TTN: variants seen among roughly 807,000 people sequenced by gnomAD.
The protein encoded by TTN is connectin.
In TTN, 1,525 loss-of-function variants were observed where a neutral mutation model predicts 3,223.0. The ratio of observed to expected loss-of-function variants is 0.47; its 90% CI spans 0.45 to 0.49. TTN has a LOEUF of 0.49. Ranked by LOEUF, TTN falls within the 20% of genes least tolerant of loss-of-function variation. The pLI is 0.00. For missense variants in TTN, 40,786 were observed against 43,424.0 expected, an observed-to-expected ratio of 0.94 and a Z score of 5.40; for synonymous variants, 14,094 against 15,161.0, an observed-to-expected ratio of 0.93 and a Z score of 5.17.
chr2:178,609,704 G>A lies in TTN; in HGVS notation c.51719C>T (p.Thr17240Ile), dbSNP rs1295961462. 3.7e-6 allele frequency: 6 copies of A among 1,600,864 alleles called. No homozygotes were observed. The South Asian group carries it at 5.6e-5, about 15-fold the overall frequency. The part of the protein sequence containing the change: ...ISEPSRATPP[T>I]KAVDPIDAPK... ...CTTACCAATGGGATCTACAGCTTTG[G>A]TTGGAGGAGTAGCCCGAGAAGGTTC... The change falls in exon 272 of 363, where the codon ACC becomes ATC. Residue 17240 changes from threonine to isoleucine, a missense_variant. Transcript: ENST00000589042.
At chr2:178,628,302 AATTAT>A (rs1305351160) in intron 240 of TTN, among the ~76,000 whole-genome samples, 1 of 152,002 alleles carries the variant, frequency 6.6e-6, no homozygotes, top group Non-Finnish European at 1.5e-5. Flanking sequence ...ATCACTTTTT[AATTAT>A]ATTCCTTTAA....
In TTN at chr2:178,538,733, T is replaced by G; in HGVS notation, c.99096A>C (p.Gly33032=). The change falls in exon 354 of 363, where the codon GGA becomes GGC. Residue 33032 remains glycine, a synonymous_variant. Transcript: ENST00000589042. ...CAGACTGTCTATATTCAACCCAGTATCCAAGAATTTCTTTACCACCATCAC... is the reference window on the plus strand; with the variant it reads ...CAGACTGTCTATATTCAACCCAGTAGCCAAGAATTTCTTTACCACCATCAC... ...PECDGGKEIL[G]YWVEYRQSGD... is the part of the protein sequence containing the mutation. 1 of 1,613,790 alleles carries G rather than the reference T, an allele frequency of 6.2e-7. No homozygotes were observed. Among genetic ancestry groups the G allele is most frequent in the South Asian group, 1.1e-5 (1 of 91,070 alleles).
At position 178,695,374 on chromosome 2, in the gene TTN, T is replaced by C. The variant is rs1332220526; in HGVS notation, c.31244A>G (p.Glu10415Gly). ...TTTAGGAGGTGGTGGTGCTTTCTTTTCAGGTACTTTGGCTGGAACTTTTCT... is the reference window on the plus strand; with the variant it reads ...TTTAGGAGGTGGTGGTGCTTTCTTTCCAGGTACTTTGGCTGGAACTTTTCT... ...HERKVPAKVP[E>G]KKAPPPPKVI... is the part of the protein sequence containing the mutation. Residue 10415 changes from glutamate to glycine, a missense_variant, in exon 115 of 363, where the codon GAA becomes GGA. Coordinates refer to ENST00000589042, the MANE Select transcript of TTN (RefSeq NM_001267550.2). The C allele has an allele frequency of 6.2e-7, 1 of 1,612,334 alleles. No homozygotes were observed. The highest frequency in any genetic ancestry group is 8.5e-7 in the Non-Finnish European group (1 of 1,178,792).
chr2:178,774,174 T>C, intron 30 of TTN, 33 bp downstream of exon 30: 1 of 1,614,138 alleles, frequency 6.2e-7, no homozygotes, highest in African/African-American at 1.3e-5. Context: ...ATAATGATGC[T>C]CACTGCAGGC....
intron 47 of TTN, chr2:178,750,845 G>T (rs1306137228): frequency 6.2e-7 from 1 of 1,612,930 alleles, no homozygotes; most frequent in African/African-American, 1.3e-5. Context: ...GATATATGTG[G>T]ATGACTCTCC....
At position 178,566,702 on chromosome 2, in the gene TTN, ACTG is replaced by A; in HGVS notation, c.79427_79429del (p.Thr26476_Val26477delinsIle). ...CACAGGATCACAGGCTTTATAATAA[ACTG>A]TAGCTGGACTTGGTTCCCCAACTCC... On this transcript the variant is annotated inframe_deletion, in exon 326 of 363. Coordinates refer to ENST00000589042, the MANE Select transcript of TTN (RefSeq NM_001267550.2). The A allele has an allele frequency of 6.2e-7, 1 of 1,613,392 alleles. No individual in the cohort carries two copies. Among genetic ancestry groups the A allele is most frequent in the Non-Finnish European group, 8.5e-7 (1 of 1,179,654 alleles).
At chr2:178,537,980 T>G in intron 354 of TTN, 63 bp from the exon 355 acceptor site, 2 of 1,368,550 alleles carry the variant, frequency 1.5e-6, no homozygotes, top group Non-Finnish European at 2.0e-6. Context: ...CCTTTGTCCT[T>G]GTATATCAGG....
At chr2:178,582,787 A>G in intron 313 of TTN, 153 bp downstream of exon 313, 1 of 919,434 alleles carries the variant, frequency 1.1e-6, no homozygotes, top group African/African-American at 1.7e-5. Flanking sequence ...AGCTCTTTTT[A>G]ACTCTAAAAC....
At chr2:178,757,167 A>ACAC (rs1307409421) in intron 45 of TTN, among the ~76,000 whole-genome samples, 3 of 151,816 alleles carry the variant, frequency 2.0e-5, no homozygotes, top group East Asian at 1.9e-4. Flanking sequence ...ACAGTAAGTA[A>ACAC]TACTGTACTT....
rs1210466356 is a variant in TTN, at chr2:178,595,754, G to A, written c.57600C>T (p.Ser19200=). The A allele has an allele frequency of 1.2e-6, 2 of 1,608,996 alleles. No individual in the cohort carries two copies. Among genetic ancestry groups the A allele is most frequent in the African/African-American group, 1.3e-5 (1 of 74,806 alleles). ...PFLAHNLTNE[S]CKLTWFSPED... is the part of the protein sequence containing the mutation. ...CTGGAGAAAACCATGTCAGTTTGCA[G>A]GACTCATTGGTTAGGTTGTGAGCTA... Residue 19200 remains serine, a synonymous_variant, in exon 295 of 363, where the codon TCC becomes TCT. Transcript: ENST00000589042.
rs763560244 is a variant in TTN at position 178,730,758 on chromosome 2, C to T, written c.17775G>A (p.Leu5925=). Residue 5925 remains leucine (L), a synonymous_variant, in exon 61 of 363, where the codon CTG becomes CTA. Coordinates refer to ENST00000589042, the MANE Select transcript of TTN (RefSeq NM_001267550.2). ...AACCTTTAATGCTGTCCATTTTCTT[C>T]AGCTTTTTGGTGAATGAAGGAGGTA... ...LIIPPSFTKK[L]KKMDSIKGSF... is the part of the protein sequence containing the mutation. 3 of 1,606,770 alleles carry T rather than the reference C, an allele frequency of 1.9e-6. No individual in the cohort carries two copies. Among genetic ancestry groups the T allele is most frequent in the Non-Finnish European group, 2.6e-6 (3 of 1,175,074 alleles).
At chr2:178,610,906 G>T in intron 270 of TTN, 87 bp downstream of exon 270, 1 of 1,523,578 alleles carries the variant, frequency 6.6e-7, no homozygotes, top group Non-Finnish European at 8.9e-7. Context: ...AGTTCATGAA[G>T]CCAATTATAT....
intron 34 of TTN, 49 bp downstream of exon 34, chr2:178,771,162 G>A (rs769296570): frequency 8.7e-6 from 14 of 1,611,692 alleles, no homozygotes; most frequent in Admixed American, 3.3e-5. Flanking sequence ...AAACGATAAC[G>A]ATCAAGATTG....
chr2:178,724,370 A>AT lies in TTN; in HGVS notation c.21004dup (p.Ile7002AsnfsTer10). On this transcript the variant is annotated frameshift_variant, in exon 72 of 363. Coordinates refer to ENST00000589042, the MANE Select transcript of TTN (RefSeq NM_001267550.2). LOFTEE classifies it high-confidence loss of function. ...AACTGAGAGAATCCTTAAGGAAGAGATTTTGTTGTAGAAGCTAAATTTGTG... is the reference window on the plus strand; with the variant it reads ...AACTGAGAGAATCCTTAAGGAAGAGATTTTTGTTGTAGAAGCTAAATTTGTG... 1 of 1,613,458 alleles carries AT rather than the reference A, an allele frequency of 6.2e-7. No homozygotes were observed. The highest frequency in any genetic ancestry group is 8.5e-7 in the Non-Finnish European group (1 of 1,179,572).
At chr2:178,583,469 CATA>C (rs1559519507) in intron 312 of TTN, 135 bp downstream of exon 312, 7 of 985,762 alleles carry the variant, frequency 7.1e-6, no homozygotes, top group African/African-American at 1.6e-5. Flanking sequence ...TCTCCATAAT[CATA>C]ATGTTTGTGT....
rs1342421251 is a variant in TTN, at chr2:178,554,729, G to T, written c.88618C>A (p.Pro29540Thr). ...GCAGTTACAGTCTTAAATTCAATTG[G>T]TCCACCAGGTGGGCCTGGTTTGTCT... ...ILDKPGPPGGPIEFKTVTAEK... is the reference protein window; with the variant it reads ...ILDKPGPPGGTIEFKTVTAEK... The change falls in exon 332 of 363, where the codon CCA (proline) becomes ACA (threonine). Residue 29540 changes from proline to threonine, a missense_variant. By Grantham distance (38) the Pro-to-Thr change is conservative. Coordinates refer to ENST00000589042, the MANE Select transcript of TTN (RefSeq NM_001267550.2). The T allele has an allele frequency of 5.0e-6, 8 of 1,613,614 alleles. No homozygotes were observed. Among genetic ancestry groups the T allele is most frequent in the Non-Finnish European group, 5.9e-6 (7 of 1,179,820 alleles).
chr2:178,651,389 C>A, intron 207 of TTN, 64 bp downstream of exon 207: 7 of 1,603,196 alleles, frequency 4.4e-6, no homozygotes, highest in Non-Finnish European at 6.0e-6. Context: ...TTACACAGAA[C>A]AAAACCCTTT....
Position 178,583,792 on chromosome 2 carries a change from C to A in TTN, c.65390G>T (p.Cys21797Phe), listed in dbSNP as rs886042894. 4.3e-6 allele frequency: 7 copies of A among 1,610,252 alleles called. No individual in the cohort carries two copies. The highest frequency in any genetic ancestry group is 5.1e-6 in the Non-Finnish European group (6 of 1,178,132). The change falls in exon 312 of 363, where the codon TGC becomes TTC. Residue 21797 changes from cysteine to phenylalanine, a missense_variant. Cys to Phe is a radical substitution (Grantham distance 205). Transcript: ENST00000589042. ...TACCCATTTATCACCAGGAAGTTTGCAAGCTTCTACGAAATAGCCAATAAT... is the reference window on the plus strand; with the variant it reads ...TACCCATTTATCACCAGGAAGTTTGAAAGCTTCTACGAAATAGCCAATAAT... Reference protein sequence around the residue: ...SKIIGYFVEACKLPGDKWVRC... With the variant: ...SKIIGYFVEAFKLPGDKWVRC...
chr2:178,527,717 T>C lies in TTN; in HGVS notation c.107409A>G (p.Val35803=), dbSNP rs1687042089. Residue 35803 remains valine, a synonymous_variant, in exon 362 of 363, where the codon GTA becomes GTG. Coordinates refer to ENST00000589042, the MANE Select transcript of TTN (RefSeq NM_001267550.2). Reference sequence around the variant, plus strand: ...AGCTTGTGTCACCACTTGTTCTCAATACTACCTCTCTGGAAGGTTCTTCAA... The same window carrying C: ...AGCTTGTGTCACCACTTGTTCTCAACACTACCTCTCTGGAAGGTTCTTCAA... ...PLVEEPSREV[V]LRTSGDTSLQ... The C allele has an allele frequency of 1.2e-6, 2 of 1,608,942 alleles. No homozygotes were observed. Among genetic ancestry groups the C allele is most frequent in the Middle Eastern group, 1.7e-4 (1 of 6,020 alleles).
Sources: allele counts gnomAD v4.1 joint callset (sites outside exome capture counted in the v4.1 genomes callset), GRCh38; gene constraint gnomAD v4.1.1; transcripts MANE v1.5; gene names NCBI Gene and HGNC (gene_info 2026-07-23, HGNC 2026-07-21).